TRPS1: variants seen among roughly 807,000 people sequenced by gnomAD.
TRPS1 encodes zinc finger transcription factor Trps1.
A neutral mutation model predicts 101.2 loss-of-function variants in TRPS1; 6 were observed. The ratio of observed to expected loss-of-function variants is 0.06; its 90% confidence interval spans 0.03 to 0.12. TRPS1 has a LOEUF of 0.12. Among genes scored for constraint, TRPS1 ranks in the 10% least tolerant of loss-of-function variants. The pLI is 1.00. For missense variants in TRPS1, 1,363 were observed against 1,567.0 expected (o/e 0.87, Z 2.20); for synonymous variants, 578 against 589.8 (o/e 0.98, Z 0.29).
rs1197540314 is a variant in TRPS1, at chr8:115,418,590, T to C, written c.2701-138A>G. On this transcript the variant is annotated intron_variant, in intron 5 of 6. Coordinates refer to ENST00000395715, the MANE Select transcript of TRPS1 (RefSeq NM_014112.5). The surrounding 1 kb of genome is among the most constrained non-coding windows in gnomAD (Gnocchi z 4.3). ...CACACTGCCCATAATGAGGTCAGGT[T>C]CAATTGTGTTTAATAGGCACCACTG... 8 of 1,184,280 alleles carry C rather than the reference T, an allele frequency of 6.8e-6. No homozygotes were observed. The highest frequency in any genetic ancestry group is 9.9e-6 in the Non-Finnish European group (8 of 808,346). The allele number at this position is 1,184,280 out of a possible 1,614,324, so 73.4% of individuals were successfully genotyped here. A position where few individuals can be genotyped will look rare whatever the true frequency, so the allele number is the denominator to read the frequency against.
At chr8:115,513,361 T>C (rs1451925860) in intron 5 of TRPS1, among the ~76,000 whole-genome samples, 1 of 151,662 alleles carries the variant, frequency 6.6e-6, no homozygotes. Context: ...TATTTGGTTC[T>C]TCCATTATTT....
At chr8:115,648,099 G>A (rs560915818) in intron 1 of TRPS1, among the ~76,000 whole-genome samples, 1 of 152,214 alleles carries the variant, frequency 6.6e-6, no homozygotes, top group Non-Finnish European at 1.5e-5. Flanking sequence ...AATCAAGGAG[G>A]GGTGGCAGCA....
chr8:115,503,924 C>G (rs1002303850), intron 5 of TRPS1, among the ~76,000 whole-genome samples: 4 of 152,166 alleles, frequency 2.6e-5, no homozygotes, highest in Non-Finnish European at 5.9e-5. Flanking sequence ...ATTATGCACT[C>G]TTATTATTAT....
At chr8:115,593,480 G>GT (rs757798498) in intron 4 of TRPS1, among the ~76,000 whole-genome samples, 17 of 152,142 alleles carry the variant, frequency 1.1e-4, no homozygotes, top group Non-Finnish European at 2.1e-4. Context: ...TAAAGCAATG[G>GT]TTGTTCAGGA....
intron 5 of TRPS1, among the ~76,000 whole-genome samples, chr8:115,461,443 T>A (rs1320533369): frequency 3.3e-5 from 5 of 152,144 alleles, no homozygotes; most frequent in Non-Finnish European, 7.4e-5. Flanking sequence ...TAGTTTGCAT[T>A]ATAATTATCT....
intron 5 of TRPS1, among the ~76,000 whole-genome samples, chr8:115,548,506 C>G (rs2130330549): frequency 6.6e-6 from 1 of 152,048 alleles, no homozygotes. Flanking sequence ...CCACGCCCTG[C>G]TGATCGCGAA....
At chr8:115,455,437 G>C (rs1813992150) in intron 5 of TRPS1, among the ~76,000 whole-genome samples, 1 of 152,162 alleles carries the variant, frequency 6.6e-6, no homozygotes, top group South Asian at 2.1e-4. Context: ...CTGCATGAGT[G>C]TCCAATGTTT....
intron 5 of TRPS1, among the ~76,000 whole-genome samples, chr8:115,484,813 A>G (rs1814837899): frequency 1.3e-5 from 2 of 152,204 alleles, no homozygotes; most frequent in Non-Finnish European, 2.9e-5. Flanking sequence ...ATTTTCCAGA[A>G]GTAGTTCTTG....
chr8:115,422,891 A>C (rs1373918428), intron 5 of TRPS1, among the ~76,000 whole-genome samples: 1 of 152,208 alleles, frequency 6.6e-6, no homozygotes, highest in Non-Finnish European at 1.5e-5. Context: ...TCATATGGAT[A>C]AGATCAGTGC....
Position 115,414,023 on chromosome 8 carries a change from T to TTA in TRPS1, c.3883_3884dup (p.Ter1295TyrfsTer11), listed in dbSNP as rs1586248965. 6.2e-7 allele frequency: 1 copy of TTA among 1,613,408 alleles called. No individual in the cohort carries two copies. The highest frequency in any genetic ancestry group is 1.3e-5 in the African/African-American group (1 of 74,866). ...TTTAATTGTGCTAAGTGCTAAGGTT[T>TTA]TACTCTTTAGGTTTTCCATTTTTTT... is the stretch of plus-strand genomic sequence containing the variant. On this transcript the variant is annotated frameshift_variant and stop_lost, in exon 7 of 7. Transcript: ENST00000395715. LOFTEE classifies it high-confidence loss of function. This position sits in a 1 kb window ranked among gnomAD's most constrained non-coding sequence, Gnocchi z 4.8.
rs889661101 is a variant in TRPS1, at chr8:115,410,758, T to C, written c.*3265A>G. On this transcript the variant is annotated 3_prime_UTR_variant, in exon 7 of 7. Transcript: ENST00000395715. ...CCTGGCCTAAAGTTTGATCCAAAGC[T>C]CAATTTAGAATATAGACAAATAATT... is the stretch of plus-strand genomic sequence containing the variant. 6.6e-6 allele frequency: 1 copy of C among 152,458 alleles called. No individual in the cohort carries two copies. The highest frequency in any genetic ancestry group is 1.5e-5 in the Non-Finnish European group (1 of 67,988). The allele number at this position is 152,458 out of a possible 1,614,324, so 9.4% of individuals were successfully genotyped here.
chr8:115,607,424 GT>G (rs1161396324), intron 3 of TRPS1, among the ~76,000 whole-genome samples: 4,072 of 139,796 alleles, frequency 0.029, 164 homozygotes, highest in African/African-American at 0.097. Context: ...GTCTAGATGT[GT>G]TTTTTTTTTT....
intron 5 of TRPS1, among the ~76,000 whole-genome samples, chr8:115,582,624 AC>A (rs1817477118): frequency 6.6e-6 from 1 of 152,198 alleles, no homozygotes; most frequent in Non-Finnish European, 1.5e-5. Context: ...TCTCCAAGCG[AC>A]AGATGAACGG....
chr8:115,494,387 A>G (rs1485758023), intron 5 of TRPS1, among the ~76,000 whole-genome samples: 2 of 152,198 alleles, frequency 1.3e-5, no homozygotes, highest in Non-Finnish European at 2.9e-5. Flanking sequence ...AATGCCTGAA[A>G]CTTGCTGCAA....
intron 3 of TRPS1, among the ~76,000 whole-genome samples, chr8:115,606,649 A>C (rs1818043884): frequency 6.6e-6 from 1 of 152,120 alleles, no homozygotes; most frequent in Non-Finnish European, 1.5e-5. Context: ...ACACTCAAGG[A>C]TACAGCACAG....
chr8:115,435,246 C>T (rs1813419769), intron 5 of TRPS1, among the ~76,000 whole-genome samples: 1 of 152,132 alleles, frequency 6.6e-6, no homozygotes, highest in Non-Finnish European at 1.5e-5. Context: ...GATCTACTTT[C>T]CTGGATGTCA....
chr8:115,417,412 G>C (rs1812947978), intron 6 of TRPS1, among the ~76,000 whole-genome samples: 1 of 152,096 alleles, frequency 6.6e-6, no homozygotes, highest in Non-Finnish European at 1.5e-5. Context: ...ATTCCCTGTA[G>C]CCATAATGTA....
At chr8:115,426,798 C>T (rs1813197585) in intron 5 of TRPS1, among the ~76,000 whole-genome samples, 1 of 152,234 alleles carries the variant, frequency 6.6e-6, no homozygotes, top group Non-Finnish European at 1.5e-5. Context: ...TGATCCAGAT[C>T]CCAAGGTTAA....
chr8:115,611,814 A>G (rs565772224), intron 3 of TRPS1, among the ~76,000 whole-genome samples: 148 of 152,322 alleles, frequency 9.7e-4, no homozygotes, highest in African/African-American at 3.4e-3. Flanking sequence ...GCTATGTAAT[A>G]AGTAATATAA....
Sources: gnomAD v4.1 joint callset for allele counts (sites outside exome capture counted in the v4.1 genomes callset) on GRCh38, gnomAD v4.1.1 for gene constraint, Gnocchi (gnomAD v3.1) non-coding constraint, MANE v1.5 for transcripts, NCBI Gene and HGNC (gene_info 2026-07-23, HGNC 2026-07-21) for gene names.